HDAC4: variants seen among roughly 807,000 people sequenced by gnomAD.
HDAC4 encodes histone deacetylase 4, also known as histone deacetylase A.
A neutral mutation model predicts 135.1 loss-of-function variants in HDAC4; 16 were observed. The observed-to-expected ratio is 0.12, with a 90% CI of 0.08 to 0.18. The LOEUF (loss-of-function observed/expected upper bound fraction) is 0.18. HDAC4 is among the 10% of genes least tolerant of loss of function. HDAC4 has a pLI of 1.00. For missense variants in HDAC4, 1,143 were observed against 1,511.8 expected (o/e 0.76, Z 4.05); for synonymous variants, 685 against 653.4 (o/e 1.05, Z -0.74).
At chr2:239,132,006 C>T (rs2040619045) in intron 11 of HDAC4, among the ~76,000 whole-genome samples, 1 of 152,106 alleles carries the variant, frequency 6.6e-6, no homozygotes, top group Admixed American at 6.5e-5. Context: ...GGGGCAATCC[C>T]AGCGGGTTCC....
chr2:239,367,867 G>A (rs935970493), intron 1 of HDAC4, among the ~76,000 whole-genome samples: 13 of 151,962 alleles, frequency 8.6e-5, no homozygotes, highest in Admixed American at 3.9e-4. Flanking sequence ...CCAGCTACTC[G>A]GGAGGGAGGC....
At chr2:239,090,827 C>T (rs1192019497) in intron 17 of HDAC4, among the ~76,000 whole-genome samples, 3 of 152,190 alleles carry the variant, frequency 2.0e-5, no homozygotes, top group Admixed American at 6.5e-5. Flanking sequence ...CCAAGCATTT[C>T]GGATAAGGGA....
chr2:239,221,955 G>A (rs1471698696), intron 3 of HDAC4, among the ~76,000 whole-genome samples: 2 of 152,172 alleles, frequency 1.3e-5, no homozygotes, highest in African/African-American at 4.8e-5. Flanking sequence ...AACGCAGCAA[G>A]CTTTACTCAA....
intron 22 of HDAC4, among the ~76,000 whole-genome samples, chr2:239,076,123 C>T (rs930517111): frequency 1.3e-5 from 2 of 151,108 alleles, no homozygotes; most frequent in African/African-American, 2.4e-5. Context: ...AAAGCTGGGC[C>T]GGGATAGCAG....
At chr2:239,286,139 T>A (rs1264966774) in intron 2 of HDAC4, among the ~76,000 whole-genome samples, 2 of 152,226 alleles carry the variant, frequency 1.3e-5, no homozygotes, top group Non-Finnish European at 2.9e-5. Flanking sequence ...CCCATGTATG[T>A]TTTGATTAAA....
In HDAC4 at chr2:239,240,194, G is replaced by A. The variant is rs925339990; in HGVS notation, c.23-3530C>T. ...GCGGTGAGTGCACTTTGCAGGCGCAGGGGCCACCAGGCCTGGGAAAGACAG... is the reference window on the plus strand; with the variant it reads ...GCGGTGAGTGCACTTTGCAGGCGCAAGGGCCACCAGGCCTGGGAAAGACAG... On this transcript the variant is annotated intron_variant, in intron 2 of 26. Transcript: ENST00000543185. This position sits in a 1 kb window ranked among gnomAD's most constrained non-coding sequence, Gnocchi z 4.5. 6.6e-6 allele frequency among the ~76,000 whole-genome samples: 1 copy of A among 152,250 alleles called. No homozygotes were observed. The highest frequency in any genetic ancestry group is 2.4e-5 in the African/African-American group (1 of 41,476).
At chr2:239,082,356 G>T in intron 20 of HDAC4, 135 bp from the exon 21 acceptor site, 1 of 1,199,938 alleles carries the variant, frequency 8.3e-7, no homozygotes, top group Non-Finnish European at 1.2e-6. Context: ...CTCCAGCTGG[G>T]CCCGTACCCG....
At chr2:239,211,159 A>AT (rs1231574630) in intron 3 of HDAC4, among the ~76,000 whole-genome samples, 3 of 152,256 alleles carry the variant, frequency 2.0e-5, no homozygotes, top group African/African-American at 7.2e-5. Flanking sequence ...TCACAAAAAG[A>AT]TTCACTTACA....
At chr2:239,395,327 C>T (rs1237127095) in intron 1 of HDAC4, among the ~76,000 whole-genome samples, 1 of 152,166 alleles carries the variant, frequency 6.6e-6, no homozygotes, top group Non-Finnish European at 1.5e-5. Context: ...AGGTACAAAC[C>T]TGCTTCTGGT....
intron 1 of HDAC4, among the ~76,000 whole-genome samples, chr2:239,371,033 G>C (rs1694570703): frequency 6.6e-6 from 1 of 152,190 alleles, no homozygotes; most frequent in Non-Finnish European, 1.5e-5. Flanking sequence ...GTCGCCCCCA[G>C]AGTCAGTCAC....
intron 2 of HDAC4, among the ~76,000 whole-genome samples, chr2:239,316,607 A>G (rs1292316932): frequency 2.0e-5 from 3 of 152,144 alleles, no homozygotes; most frequent in African/African-American, 7.2e-5. Context: ...TAGGTAAGAG[A>G]GCGGCTGGAT....
chr2:239,063,484 G>A lies in HDAC4; in HGVS notation c.3003+3238C>T, dbSNP rs1024329956. Among the ~76,000 whole-genome samples, 17 of 152,298 alleles carry A rather than the reference G, an allele frequency of 1.1e-4. No individual in the cohort carries two copies. In the East Asian group the frequency reaches 1.9e-3, roughly 17 times the overall value. On this transcript the variant is annotated intron_variant, in intron 24 of 26. Coordinates refer to ENST00000543185, the MANE Select transcript of HDAC4 (RefSeq NM_001378414.1). ...CTCCCAAAGTGCTGGGATTACAGGCGTGAGCCACTGCGCCCGGCCAGCCCT... is the reference window on the plus strand; with the variant it reads ...CTCCCAAAGTGCTGGGATTACAGGCATGAGCCACTGCGCCCGGCCAGCCCT...
chr2:239,162,956 G>T (rs113467391), intron 6 of HDAC4, among the ~76,000 whole-genome samples: 1 of 152,092 alleles, frequency 6.6e-6, no homozygotes, highest in Admixed American at 6.5e-5. Flanking sequence ...TCCCTTATGG[G>T]ATTTTTTTCT....
intron 7 of HDAC4, among the ~76,000 whole-genome samples, chr2:239,153,153 G>A (rs1301760143): frequency 4.6e-5 from 7 of 152,192 alleles, no homozygotes; most frequent in Non-Finnish European, 1.0e-4. Flanking sequence ...GAGGTCAGAC[G>A]TTTGAGCTGG....
chr2:239,307,379 G>T lies in HDAC4; in HGVS notation c.22+45299C>A, dbSNP rs2052653955. Among the ~76,000 whole-genome samples, 1 of 152,166 alleles carries T rather than the reference G, an allele frequency of 6.6e-6. No individual in the cohort carries two copies. The highest frequency in any genetic ancestry group is 1.5e-5 in the Non-Finnish European group (1 of 68,036). On this transcript the variant is annotated intron_variant, in intron 2 of 26. Transcript: ENST00000543185. This position sits in a 1 kb window ranked among gnomAD's most constrained non-coding sequence, Gnocchi z 4.8. ...CAAGAGCGGCTCTCCGTGATGCCCA[G>T]AGGCGGCCACTGGGCCCCAGGAGAG...
In HDAC4 at chr2:239,054,765, T is replaced by C. The variant is rs1400772441; in HGVS notation, c.3072A>G (p.Lys1024=). 1 of 1,611,794 alleles carries C rather than the reference T, an allele frequency of 6.2e-7. No individual in the cohort carries two copies. Among genetic ancestry groups the C allele is most frequent in the East Asian group, 2.2e-5 (1 of 44,846 alleles). The change falls in exon 25 of 27, where the codon AAA becomes AAG. Residue 1024 remains lysine, a synonymous_variant. Transcript: ENST00000543185. Reference sequence around the variant, plus strand: ...GCAACTTACTGTGGATCTCCATGACTTTCTCCATGGAACGGACAGCGTTTG... The same window carrying C: ...GCAACTTACTGTGGATCTCCATGACCTTCTCCATGGAACGGACAGCGTTTG... ...PNANAVRSME[K]VMEIHSKYWR...
intron 3 of HDAC4, among the ~76,000 whole-genome samples, chr2:239,236,346 T>C (rs915668988): frequency 3.3e-5 from 5 of 151,990 alleles, no homozygotes; most frequent in Non-Finnish European, 7.3e-5. Flanking sequence ...ACACATCCTT[T>C]AGCACCAGAG....
intron 18 of HDAC4, among the ~76,000 whole-genome samples, chr2:239,087,903 G>A (rs1428593201): frequency 6.6e-6 from 1 of 152,204 alleles, no homozygotes; most frequent in East Asian, 1.9e-4. Flanking sequence ...TGTCGGTGAG[G>A]CGTGGTGCCC....
At position 239,349,360 on chromosome 2, in the gene HDAC4, T is replaced by C. The variant is rs1179034326; in HGVS notation, c.22+3318A>G. ...GGCTGTGCTCTGACACACCTAGAAA[T>C]TTCCCGCTCAAGAGAGCAAACTGAA... On this transcript the variant is annotated intron_variant, in intron 2 of 26. Coordinates refer to ENST00000543185, the MANE Select transcript of HDAC4 (RefSeq NM_001378414.1). This position sits in a 1 kb window ranked among gnomAD's most constrained non-coding sequence, Gnocchi z 5.7. Among the ~76,000 whole-genome samples, 2 of 152,164 alleles carry C rather than the reference T, an allele frequency of 1.3e-5. No homozygotes were observed. Among genetic ancestry groups the C allele is most frequent in the East Asian group, 1.9e-4 (1 of 5,194 alleles).
Sources: gnomAD v4.1 joint callset for allele counts (sites outside exome capture counted in the v4.1 genomes callset) on GRCh38, gnomAD v4.1.1 for gene constraint, Gnocchi (gnomAD v3.1) non-coding constraint, MANE v1.5 for transcripts, NCBI Gene and HGNC (gene_info 2026-07-23, HGNC 2026-07-21) for gene names.